BTBD9: variants seen among roughly 807,000 people sequenced by gnomAD.
BTBD9 encodes BTB/POZ domain-containing protein 9.
BTBD9 carries 49 observed loss-of-function variants against 64.3 expected under a neutral mutation model. The ratio of observed to expected loss-of-function variants is 0.76; its 90% CI spans 0.61 to 0.97. The LOEUF is 0.97. BTBD9 is among the 50% of genes least tolerant of loss of function. The probability of loss-of-function intolerance (pLI) is 0.00; values close to 1 mark genes in which losing one functional copy is unlikely to be tolerated. For synonymous variants in BTBD9, 260 were observed against 274.7 expected (o/e 0.95, Z 0.53); for missense variants, 598 against 762.1 (o/e 0.78, Z 2.53).
intron 6 of BTBD9, among the ~76,000 whole-genome samples, chr6:38,416,211 T>G (rs1767657633): frequency 1.3e-5 from 2 of 151,958 alleles, no homozygotes; most frequent in Admixed American, 1.3e-4. Flanking sequence ...AGATGTTGAG[T>G]TGTAGATAGT....
intron 9 of BTBD9, chr6:38,207,272 G>GATGTAAT (rs1762688217): frequency 4.2e-6 from 1 of 235,814 alleles, no homozygotes; most frequent in Non-Finnish European, 9.0e-6. Context: ...AAAAGAAAAT[G>GATGTAAT]GGGTCAATGA....
intron 9 of BTBD9, among the ~76,000 whole-genome samples, chr6:38,222,257 G>GTTTT (rs1156925177): frequency 2.4e-3 from 278 of 114,216 alleles, no homozygotes; most frequent in South Asian, 3.5e-3. Flanking sequence ...TCATTCAGTT[G>GTTTT]TTTTTTTTTT....
chr6:38,511,109 G>A (rs546801667), intron 6 of BTBD9, among the ~76,000 whole-genome samples: 4 of 152,174 alleles, frequency 2.6e-5, no homozygotes, highest in African/African-American at 9.6e-5. Context: ...GGATTTCTCA[G>A]CTCCTTTATG....
At chr6:38,277,568 A>C (rs1284005498) in intron 8 of BTBD9, among the ~76,000 whole-genome samples, 1 of 152,132 alleles carries the variant, frequency 6.6e-6, no homozygotes, top group Non-Finnish European at 1.5e-5. Flanking sequence ...TCCTTACCTC[A>C]GGTGATCCGC....
In BTBD9 at chr6:38,328,564, CGTGTGTGTGTGT is replaced by C. The variant is rs201357884; in HGVS notation, c.1264+16408_1264+16419del. Among the ~76,000 whole-genome samples, 1,085 of 130,498 alleles carry C rather than the reference CGTGTGTGTGTGT, an allele frequency of 8.3e-3. 13 individuals carry two copies. Among genetic ancestry groups the C allele is most frequent in the African/African-American group, 0.03 (974 of 32,904 alleles). 85.6% of individuals were successfully genotyped at this position (130,498 alleles called of 152,430 possible). On this transcript the variant is annotated intron_variant, in intron 7 of 10. Coordinates refer to ENST00000481247, the MANE Select transcript of BTBD9 (RefSeq NM_001099272.2). ...AATATATTTCGGCCATTTAAGCCAC[CGTGTGTGTGTGT>C]GTGTGTGTGTGTGTGTGTGTGTGTG... is the stretch of plus-strand genomic sequence containing the variant.
intron 7 of BTBD9, among the ~76,000 whole-genome samples, chr6:38,328,613 T>TGTGTG (rs1763537927): frequency 1.0e-5 from 1 of 96,664 alleles, no homozygotes; most frequent in African/African-American, 5.6e-5. Context: ...GTGTGTGTGT[T>TGTGTG]TTATGGCTGT....
intron 6 of BTBD9, among the ~76,000 whole-genome samples, chr6:38,479,733 A>G (rs1474515208): frequency 6.6e-6 from 1 of 152,058 alleles, no homozygotes; most frequent in Non-Finnish European, 1.5e-5. Context: ...TTTTATTTTT[A>G]TTTTTATTTT....
intron 9 of BTBD9, among the ~76,000 whole-genome samples, chr6:38,236,039 T>G (rs1763767100): frequency 6.6e-6 from 1 of 152,172 alleles, no homozygotes; most frequent in Non-Finnish European, 1.5e-5. Flanking sequence ...GTCGGGAAAC[T>G]GAGACTCTGG....
chr6:38,297,754 A>T (rs1224479203), intron 7 of BTBD9, among the ~76,000 whole-genome samples: 2 of 151,874 alleles, frequency 1.3e-5, no homozygotes, highest in Non-Finnish European at 1.5e-5. Flanking sequence ...TGTTATTACT[A>T]ATTTATTTGA....
At chr6:38,421,217 G>A (rs569210403) in intron 6 of BTBD9, among the ~76,000 whole-genome samples, 154 of 152,068 alleles carry the variant, frequency 1.0e-3, no homozygotes, top group Non-Finnish European at 1.7e-3. Flanking sequence ...TTAGCCAGGC[G>A]TGGTGATGGG....
chr6:38,445,289 T>A (rs1007364775), intron 6 of BTBD9, among the ~76,000 whole-genome samples: 7 of 152,254 alleles, frequency 4.6e-5, no homozygotes, highest in African/African-American at 1.7e-4. Flanking sequence ...GCTATTACTT[T>A]CTTAATCAAT....
chr6:38,631,612 C>T (rs976217267), intron 1 of BTBD9, among the ~76,000 whole-genome samples: 5 of 152,178 alleles, frequency 3.3e-5, no homozygotes, highest in Admixed American at 6.5e-5. Context: ...CTGAGGTCCC[C>T]TACCAACAGC....
At chr6:38,380,909 T>C (rs28450443) in intron 6 of BTBD9, among the ~76,000 whole-genome samples, 6,017 of 151,952 alleles carry the variant, frequency 0.04, 165 homozygotes, top group Non-Finnish European at 0.06. Flanking sequence ...TAAAAATGCA[T>C]GTTAGAATAG....
In BTBD9 at chr6:38,253,136, AACAACAAAACACCC is replaced by A. The variant is rs575933256; in HGVS notation, c.1562+3259_1562+3272del. Among the ~76,000 whole-genome samples the A allele has an allele frequency of 1.6e-3, 236 of 151,992 alleles. 1 individual carries two copies. Among genetic ancestry groups the A allele is most frequent in the African/African-American group, 5.5e-3 (230 of 41,512 alleles). On this transcript the variant is annotated intron_variant, in intron 9 of 10. Coordinates refer to ENST00000481247, the MANE Select transcript of BTBD9 (RefSeq NM_001099272.2). ...CTCAAACAACAACAACAACAACAAC[AACAACAAAACACCC>A]ACATTGTATAGCACCTTTGTGTTAG... is the stretch of plus-strand genomic sequence containing the variant.
At chr6:38,411,342 T>C (rs1165897690) in intron 6 of BTBD9, among the ~76,000 whole-genome samples, 1 of 152,166 alleles carries the variant, frequency 6.6e-6, no homozygotes, top group African/African-American at 2.4e-5. Flanking sequence ...TATTGGCACA[T>C]GAATCGACTG....
intron 8 of BTBD9, among the ~76,000 whole-genome samples, chr6:38,260,686 AATT>A (rs909457902): frequency 2.0e-5 from 3 of 152,340 alleles, no homozygotes; most frequent in Admixed American, 6.5e-5. Flanking sequence ...TTTCAAGGCA[AATT>A]ATTATCTTAA....
intron 6 of BTBD9, among the ~76,000 whole-genome samples, chr6:38,570,950 T>C (rs577418528): frequency 1.3e-5 from 2 of 152,346 alleles, no homozygotes; most frequent in South Asian, 2.1e-4. Context: ...GTAAAATTGT[T>C]ATAATTTAGT....
At chr6:38,392,826 G>A (rs1766486296) in intron 6 of BTBD9, among the ~76,000 whole-genome samples, 1 of 150,918 alleles carries the variant, frequency 6.6e-6, no homozygotes, top group African/African-American at 2.4e-5. Context: ...TATAACATAA[G>A]GCAATGATTT....
At chr6:38,232,559 T>C (rs940543991) in intron 9 of BTBD9, among the ~76,000 whole-genome samples, 1 of 152,188 alleles carries the variant, frequency 6.6e-6, no homozygotes, top group African/African-American at 2.4e-5. Flanking sequence ...AGAGATGTAG[T>C]ATAGCACAAA....
Sources: gnomAD v4.1 joint callset for allele counts (sites outside exome capture counted in the v4.1 genomes callset) on GRCh38, gnomAD v4.1.1 for gene constraint, MANE v1.5 for transcripts, NCBI Gene and HGNC (gene_info 2026-07-23, HGNC 2026-07-21) for gene names.